MCC: variants seen among roughly 807,000 people sequenced by gnomAD.
MCC encodes colorectal mutant cancer protein.
A neutral mutation model predicts 116.2 loss-of-function variants in MCC; 90 were observed. The ratio of observed to expected loss-of-function variants is 0.77; its 90% CI spans 0.65 to 0.92. The LOEUF (loss-of-function observed/expected upper bound fraction) is 0.92. Ranked by LOEUF, MCC falls within the 40% of genes least tolerant of loss-of-function variation. The probability of loss-of-function intolerance (pLI) is 0.00; values close to 1 mark genes in which losing one functional copy is unlikely to be tolerated. For missense variants in MCC, 1,516 were observed against 1,312.2 expected (o/e 1.16, Z -2.40); for synonymous variants, 578 against 510.5 (o/e 1.13, Z -1.78).
intron 3 of MCC, among the ~76,000 whole-genome samples, chr5:113,301,881 A>G (rs2150364983): frequency 6.6e-6 from 1 of 152,348 alleles, no homozygotes; most frequent in Middle Eastern, 3.4e-3. Flanking sequence ...CGTGCAGAAT[A>G]TGTATAGACT....
chr5:113,210,583 G>C (rs531559791), intron 3 of MCC, among the ~76,000 whole-genome samples: 1 of 152,272 alleles, frequency 6.6e-6, no homozygotes, highest in Non-Finnish European at 1.5e-5. Flanking sequence ...CATTTGCAGA[G>C]GTGGAAGGAA....
intron 11 of MCC, among the ~76,000 whole-genome samples, chr5:113,074,136 G>T (rs1209475807): frequency 1.3e-5 from 2 of 152,194 alleles, no homozygotes; most frequent in African/African-American, 4.8e-5. Context: ...TCCCAGTAGG[G>T]GCCGACTGAC....
At position 113,026,310 on chromosome 5, in the gene MCC, A is replaced by G. The variant is rs1227282627; in HGVS notation, c.*992T>C. The G allele has an allele frequency of 6.6e-6, 1 of 152,240 alleles. No homozygotes were observed. The highest frequency in any genetic ancestry group is 2.4e-5 in the African/African-American group (1 of 41,454). The allele number at this position is 152,240 out of a possible 1,614,324, so 9.4% of individuals were successfully genotyped here. The stretch of plus-strand genomic sequence containing the variant: ...TTAAGTAGGCGTGATAAGTTTTGCA[A>G]AATGTTCAGTATCTCCTCAGTGTCT... On this transcript the variant is annotated 3_prime_UTR_variant, in exon 19 of 19. Transcript: ENST00000408903.
intron 15 of MCC, among the ~76,000 whole-genome samples, chr5:113,051,639 C>G (rs1752496479): frequency 2.6e-5 from 4 of 152,116 alleles, no homozygotes; most frequent in Non-Finnish European, 5.9e-5. Flanking sequence ...GCAGGAGGAT[C>G]ACTTCCAGCC....
At chr5:113,347,788 T>TGAC (rs1442109396) in intron 2 of MCC, among the ~76,000 whole-genome samples, 2 of 151,710 alleles carry the variant, frequency 1.3e-5, no homozygotes, top group African/African-American at 4.8e-5. Context: ...AGTGCCTAAA[T>TGAC]GGATAAAAAA....
intron 14 of MCC, among the ~76,000 whole-genome samples, chr5:113,054,630 G>A (rs1230459526): frequency 6.6e-6 from 1 of 152,170 alleles, no homozygotes; most frequent in African/African-American, 2.4e-5. Context: ...AAAACACAGG[G>A]GTGCACAACA....
At chr5:113,432,608 C>T (rs989090855) in intron 1 of MCC, 3 of 152,128 alleles carry the variant, frequency 2.0e-5, no homozygotes, top group Non-Finnish European at 4.4e-5. Flanking sequence ...ATAGATTAAC[C>T]AACTTGCCCA....
intron 3 of MCC, among the ~76,000 whole-genome samples, chr5:113,221,179 G>A (rs950600868): frequency 6.6e-6 from 1 of 152,216 alleles, no homozygotes; most frequent in African/African-American, 2.4e-5. Flanking sequence ...ACTCCAGTCT[G>A]GGTGACACAG....
At chr5:113,127,668 T>G (rs1469758425) in intron 5 of MCC, among the ~76,000 whole-genome samples, 1 of 152,248 alleles carries the variant, frequency 6.6e-6, no homozygotes, top group Non-Finnish European at 1.5e-5. Flanking sequence ...TGTCTGTTCA[T>G]GTCCTTTGCC....
chr5:113,396,357 C>A (rs1373100695), intron 1 of MCC, among the ~76,000 whole-genome samples: 1 of 151,794 alleles, frequency 6.6e-6, no homozygotes, highest in Non-Finnish European at 1.5e-5. Context: ...CCGAGCCATG[C>A]ACAGTGGCTC....
chr5:113,175,372 T>A lies in MCC; in HGVS notation c.628-23950A>T, dbSNP rs190676765. On this transcript the variant is annotated intron_variant, in intron 3 of 18. Transcript: ENST00000408903. ...TCCTTTGATTTCAGGGACGTATTTA[T>A]TCTGCTTATCTTAAGACAGAACAGA... is the stretch of plus-strand genomic sequence containing the variant. Among the ~76,000 whole-genome samples the A allele has an allele frequency of 2.4e-3, 366 of 152,338 alleles. 1 individual carries two copies. Among genetic ancestry groups the A allele is most frequent in the Non-Finnish European group, 2.8e-3 (193 of 68,026 alleles).
chr5:113,443,432 T>C (rs1475617212), intron 1 of MCC, among the ~76,000 whole-genome samples: 5 of 152,230 alleles, frequency 3.3e-5, no homozygotes, highest in African/African-American at 4.8e-5. Context: ...TACAATCATG[T>C]CATCTGCAAA....
chr5:113,418,644 G>A (rs971058777), intron 1 of MCC, among the ~76,000 whole-genome samples: 5 of 151,982 alleles, frequency 3.3e-5, no homozygotes, highest in Admixed American at 6.6e-5. Context: ...TGCAGTGCCT[G>A]GAACCTAGAA....
chr5:113,343,097 A>G (rs1037037089), intron 2 of MCC, among the ~76,000 whole-genome samples: 2 of 152,224 alleles, frequency 1.3e-5, no homozygotes, highest in African/African-American at 4.8e-5. Flanking sequence ...TACATACAGC[A>G]AACTGCAGTT....
intron 3 of MCC, among the ~76,000 whole-genome samples, chr5:113,220,587 G>C (rs1450049366): frequency 2.6e-5 from 4 of 152,152 alleles, no homozygotes; most frequent in Non-Finnish European, 5.9e-5. Flanking sequence ...GACAGATTAT[G>C]ATACTGTTTT....
At chr5:113,159,390 G>A (rs370244884) in intron 3 of MCC, among the ~76,000 whole-genome samples, 1 of 152,170 alleles carries the variant, frequency 6.6e-6, no homozygotes, top group African/African-American at 2.4e-5. Flanking sequence ...AATGGAATGA[G>A]TTTTCAGAAT....
At chr5:113,049,882 T>C (rs192513101) in intron 15 of MCC, among the ~76,000 whole-genome samples, 41 of 152,310 alleles carry the variant, frequency 2.7e-4, no homozygotes, top group African/African-American at 2.2e-4. Context: ...ATGAAATCAA[T>C]AGAAACAGCA....
intron 3 of MCC, among the ~76,000 whole-genome samples, chr5:113,225,018 G>C (rs1763682213): frequency 6.6e-6 from 1 of 152,164 alleles, no homozygotes; most frequent in African/African-American, 2.4e-5. Flanking sequence ...AAAATAAAAA[G>C]AAGCTGAAGA....
intron 18 of MCC, 64 bp downstream of exon 18, chr5:113,028,870 C>A: frequency 6.4e-7 from 1 of 1,569,828 alleles, no homozygotes; most frequent in South Asian, 1.2e-5. Flanking sequence ...TGTCTACATG[C>A]AGGGTGTCAG....
Sources: gnomAD v4.1 joint callset for allele counts (sites outside exome capture counted in the v4.1 genomes callset) on GRCh38, gnomAD v4.1.1 for gene constraint, MANE v1.5 for transcripts, NCBI Gene and HGNC (gene_info 2026-07-23, HGNC 2026-07-21) for gene names.